SMC6: variants seen among roughly 807,000 people sequenced by gnomAD.
SMC6 encodes the protein structural maintenance of chromosomes protein 6.
A neutral mutation model predicts 142.2 loss-of-function variants in SMC6; 79 were observed. The ratio of observed to expected loss-of-function variants is 0.56; its 90% confidence interval spans 0.46 to 0.67. The LOEUF (loss-of-function observed/expected upper bound fraction) is 0.67, where lower values mean the gene tolerates loss of function less well. Ranked by LOEUF, SMC6 falls within the 30% of genes least tolerant of loss-of-function variation. SMC6 has a pLI of 0.00. For missense variants in SMC6, 1,072 were observed against 1,284.0 expected, an observed-to-expected ratio of 0.83 and a Z score of 2.52; for synonymous variants, 411 against 412.4, an observed-to-expected ratio of 1.00 and a Z score of 0.04.
chr2:17,731,045 T>A (rs1301732605), intron 7 of SMC6, 33 bp downstream of exon 7: 1 of 1,545,298 alleles, frequency 6.5e-7, no homozygotes, highest in South Asian at 1.1e-5. Flanking sequence ...ACAAGGTGTA[T>A]GAATTAATCT....
chr2:17,672,499 C>T (rs1439995579), intron 25 of SMC6, among the ~76,000 whole-genome samples: 1 of 152,132 alleles, frequency 6.6e-6, no homozygotes, highest in African/African-American at 2.4e-5. Flanking sequence ...TACATGAATA[C>T]ATACACACAC....
chr2:17,678,673 GGCTGAGGCAGGAGGGTC>G (rs891902205), intron 25 of SMC6, among the ~76,000 whole-genome samples, 169 bp downstream of exon 25: 61 of 152,024 alleles, frequency 4.0e-4, no homozygotes, highest in African/African-American at 1.4e-3. Context: ...CTACTTGGGA[GGCTGAGGCAGGAGGGTC>G]GCTTGAGCCT....
chr2:17,700,155 A>T (rs1668199326), intron 21 of SMC6, 53 bp downstream of exon 21: 2 of 1,254,748 alleles, frequency 1.6e-6, no homozygotes, highest in Non-Finnish European at 2.2e-6. Flanking sequence ...GTACATGTGG[A>T]TATAAAACTA....
At chr2:17,709,013 C>T (rs1171195419) in intron 16 of SMC6, among the ~76,000 whole-genome samples, 1 of 151,980 alleles carries the variant, frequency 6.6e-6, no homozygotes, top group African/African-American at 2.4e-5. Flanking sequence ...CTCATTCAAT[C>T]CTCATAACAA....
intron 14 of SMC6, 86 bp from the exon 15 acceptor site, chr2:17,716,350 G>T: frequency 1.6e-6 from 2 of 1,267,464 alleles, no homozygotes; most frequent in Non-Finnish European, 2.2e-6. Flanking sequence ...CTACATCCCA[G>T]TGAACGACCC....
chr2:17,734,866 A>G (rs1421148668), intron 5 of SMC6, among the ~76,000 whole-genome samples: 1 of 152,006 alleles, frequency 6.6e-6, no homozygotes, highest in Non-Finnish European at 1.5e-5. Context: ...CCAATAGCTG[A>G]GATTACAGGC....
intron 8 of SMC6, among the ~76,000 whole-genome samples, 181 bp from the exon 9 acceptor site, chr2:17,725,539 T>C (rs1572334781): frequency 6.6e-6 from 1 of 152,186 alleles, no homozygotes; most frequent in East Asian, 1.9e-4. Context: ...TCAAATTGAC[T>C]GAACCTACTA....
At chr2:17,691,313 G>GGTGT (rs770630585) in intron 23 of SMC6, among the ~76,000 whole-genome samples, 49 of 101,760 alleles carry the variant, frequency 4.8e-4, no homozygotes, top group Admixed American at 2.6e-3. Flanking sequence ...ATAGTATTCT[G>GGTGT]GTGTGTGTGT....
rs1056165960 is a variant in SMC6, at chr2:17,683,564, A to C, written c.2804+74T>G. On this transcript the variant is annotated intron_variant, in intron 24 of 27. Coordinates refer to ENST00000448223, the MANE Select transcript of SMC6 (RefSeq NM_001142286.2). ...GCATTAATAGTCTCTGCTATAACAG[A>C]ATTATATAAATAATATGAAAACAGA... The C allele has an allele frequency of 3.8e-6, 5 of 1,315,546 alleles. No individual in the cohort carries two copies. The African/African-American group carries it at 7.5e-5, about 20-fold the overall frequency. The allele number at this position is 1,315,546 out of a possible 1,614,324, so 81.5% of individuals were successfully genotyped here.
At chr2:17,747,752 C>A (rs1254509943) in intron 2 of SMC6, among the ~76,000 whole-genome samples, 1 of 152,132 alleles carries the variant, frequency 6.6e-6, no homozygotes, top group Non-Finnish European at 1.5e-5. Flanking sequence ...GATCTGCCCA[C>A]CTCGGCCTCC....
chr2:17,669,444 G>A lies in SMC6; in HGVS notation c.3063+979C>T, dbSNP rs996703070. Among the ~76,000 whole-genome samples the A allele has an allele frequency of 2.6e-5, 4 of 152,062 alleles. No individual in the cohort carries two copies. In the South Asian group the frequency reaches 8.3e-4, roughly 32 times the overall value. ...TGTGTATATTTGTAGGGGGAAGTAG[G>A]ATATGGAATTCAGGAAAATCAACAA... On this transcript the variant is annotated intron_variant, in intron 26 of 27. Coordinates refer to ENST00000448223, the MANE Select transcript of SMC6 (RefSeq NM_001142286.2).
At chr2:17,670,808 C>T (rs1436975394) in intron 25 of SMC6, among the ~76,000 whole-genome samples, 1 of 152,106 alleles carries the variant, frequency 6.6e-6, no homozygotes, top group Admixed American at 6.5e-5. Flanking sequence ...CCTTTTTCAC[C>T]ATAACTGAAT....
At position 17,721,256 on chromosome 2, in the gene SMC6, A is replaced by C; in HGVS notation, c.732T>G (p.Leu244=). 6.4e-7 allele frequency: 1 copy of C among 1,572,050 alleles called. No homozygotes were observed. Among genetic ancestry groups the C allele is most frequent in the Non-Finnish European group, 8.6e-7 (1 of 1,167,458 alleles). Residue 244 remains leucine (L), a synonymous_variant, in exon 10 of 28, where the codon CTT becomes CTG. Coordinates refer to ENST00000448223, the MANE Select transcript of SMC6 (RefSeq NM_001142286.2). ...CTACACACTGGCGCTTTAGTTCAGT[A>C]AGCCGCTTAAAAAAAGAAAACAGAA... is the stretch of plus-strand genomic sequence containing the variant. The part of the protein sequence containing the change: ...KEQIHQGEER[L]TELKRQCVEK...
intron 9 of SMC6, 72 bp downstream of exon 9, chr2:17,725,185 C>T: frequency 1.0e-6 from 1 of 960,532 alleles, no homozygotes. Context: ...CATAGTTTTA[C>T]AATATCATTT....
intron 3 of SMC6, among the ~76,000 whole-genome samples, 166 bp from the exon 4 acceptor site, chr2:17,741,895 CTA>C (rs1341970694): frequency 6.6e-6 from 1 of 152,200 alleles, no homozygotes; most frequent in Non-Finnish European, 1.5e-5. Context: ...TGGGAACCTT[CTA>C]TGAGTCAGTA....
Position 17,671,604 on chromosome 2 carries a change from G to A in SMC6, c.2911-1029C>T, listed in dbSNP as rs1283376140. ...AGCCTGGTCGACAGAGCGAGACCCC[G>A]TCTCAAAAAAAAAAAAAAAAAAAAA... On this transcript the variant is annotated intron_variant, in intron 25 of 27. Transcript: ENST00000448223. Among the ~76,000 whole-genome samples the A allele has an allele frequency of 1.3e-3, 41 of 30,872 alleles. No individual in the cohort carries two copies. In the East Asian group the frequency reaches 0.021, roughly 16 times the overall value. The allele number at this position is 30,872 out of a possible 152,430, so 20.3% of individuals were successfully genotyped here. A position where few individuals can be genotyped will look rare whatever the true frequency, so the allele number is the denominator to read the frequency against.
chr2:17,699,245 A>G (rs977487056), intron 21 of SMC6, among the ~76,000 whole-genome samples: 1 of 152,032 alleles, frequency 6.6e-6, no homozygotes, highest in African/African-American at 2.4e-5. Flanking sequence ...TGGTGGACAC[A>G]GGGTTGACAG....
chr2:17,689,626 T>C (rs555491406), intron 23 of SMC6, among the ~76,000 whole-genome samples: 1 of 152,336 alleles, frequency 6.6e-6, no homozygotes, highest in African/African-American at 2.4e-5. Context: ...TGATTTTTGA[T>C]AGAGCTGTCC....
intron 25 of SMC6, among the ~76,000 whole-genome samples, chr2:17,675,025 T>G (rs894471621): frequency 1.3e-5 from 2 of 152,130 alleles, no homozygotes; most frequent in African/African-American, 4.8e-5. Flanking sequence ...CTGATATATC[T>G]AGATCTGAGC....
Sources: gnomAD v4.1 joint callset for allele counts (sites outside exome capture counted in the v4.1 genomes callset) on GRCh38, gnomAD v4.1.1 for gene constraint, MANE v1.5 for transcripts, NCBI Gene and HGNC (gene_info 2026-07-23, HGNC 2026-07-21) for gene names.